The following UGT1A4 variants were observed in gnomAD, a reference collection of about 807,000 sequenced individuals.
UGT1A4 encodes UDP-glucuronosyltransferase 1A4.
A neutral mutation model predicts 41.1 loss-of-function variants in UGT1A4; 32 were observed. That is an observed-to-expected ratio of 0.78 (90% confidence interval 0.59 to 1.05). The LOEUF is 1.05. Ranked by LOEUF, UGT1A4 falls within the 50% of genes least tolerant of loss-of-function variation. The pLI is 0.00. For missense variants in UGT1A4, 748 were observed against 677.4 expected, an observed-to-expected ratio of 1.10 and a Z score of -1.16; for synonymous variants, 283 against 265.1, an observed-to-expected ratio of 1.07 and a Z score of -0.66.
At chr2:233,748,742 C>T (rs533880197) in intron 1 of UGT1A4, among the ~76,000 whole-genome samples, 32 of 151,508 alleles carry the variant, frequency 2.1e-4, no homozygotes, top group African/African-American at 6.3e-4. Flanking sequence ...TCTCAGAGTT[C>T]GGAAGGCATA....
intron 1 of UGT1A4, among the ~76,000 whole-genome samples, chr2:233,763,988 T>A (rs1006624097): frequency 2.0e-5 from 3 of 152,194 alleles, no homozygotes; most frequent in African/African-American, 7.2e-5. Flanking sequence ...TGGGAATGCG[T>A]GATGGTGAAG....
chr2:233,752,600 T>A (rs1023436245), intron 1 of UGT1A4: 10 of 152,076 alleles, frequency 6.6e-5, no homozygotes, highest in Admixed American at 2.6e-4. Context: ...AGATTTTTTT[T>A]AAAAAAACAT....
chr2:233,737,721 C>CT (rs1222184655), intron 1 of UGT1A4, among the ~76,000 whole-genome samples: 6 of 151,320 alleles, frequency 4.0e-5, no homozygotes, highest in Non-Finnish European at 7.4e-5. Context: ...CCAACACCTC[C>CT]TTTTTTTTTC....
Position 233,719,068 on chromosome 2 carries a change from C to G in UGT1A4, c.248C>G (p.Pro83Arg), listed in dbSNP as rs1363775237. The G allele has an allele frequency of 1.9e-6, 3 of 1,614,146 alleles. No individual in the cohort carries two copies. The highest frequency in any genetic ancestry group is 3.3e-5 in the Admixed American group (2 of 60,014). The change falls in exon 1 of 5, where the codon CCA becomes CGA. Residue 83 changes from proline to arginine, a missense_variant. Coordinates refer to ENST00000373409, the MANE Select transcript of UGT1A4 (RefSeq NM_007120.3). ...TTCACCCTGACAGCCTATGCTGTTC[C>G]ATGGACCCAGAAGGAATTTGATCGC... ...KFFTLTAYAVPWTQKEFDRVT... is the reference protein window; with the variant it reads ...KFFTLTAYAVRWTQKEFDRVT...
intron 1 of UGT1A4, chr2:233,743,397 A>G (rs1186431371): frequency 1.6e-6 from 2 of 1,281,698 alleles, no homozygotes; most frequent in Non-Finnish European, 2.1e-6. Context: ...TGCAGAAGGA[A>G]GAAAGGCCCC....
At chr2:233,724,943 T>TC (rs1416863608) in intron 1 of UGT1A4, among the ~76,000 whole-genome samples, 2 of 143,908 alleles carry the variant, frequency 1.4e-5, no homozygotes, top group Non-Finnish European at 3.0e-5. Context: ...CCGTCTGCAA[T>TC]CCCGGCACCT....
intron 1 of UGT1A4, chr2:233,748,051 A>C: frequency 6.2e-7 from 1 of 1,613,438 alleles, no homozygotes. Context: ...GGGGGCATCA[A>C]CTGTGCCAAC....
chr2:233,753,468 A>G (rs1476776984), intron 1 of UGT1A4: 1 of 152,192 alleles, frequency 6.6e-6, no homozygotes, highest in Non-Finnish European at 1.5e-5. Flanking sequence ...TTCTGTAAAA[A>G]ATTACCAGCA....
In UGT1A4 at chr2:233,772,858, A is replaced by C; in HGVS notation, c.*299A>C. ...TAGATTACTTTTCTTACTCTGAAAC[A>C]TGGCCTGTTTGGGAGTGCGGGATTC... On this transcript the variant is annotated 3_prime_UTR_variant, in exon 5 of 5. Transcript: ENST00000373409. The C allele has an allele frequency of 1.4e-6, 1 of 719,796 alleles. No individual in the cohort carries two copies. The allele number at this position is 719,796 out of a possible 1,614,324, so 44.6% of individuals were successfully genotyped here.
chr2:233,767,992 C>T, intron 3 of UGT1A4, 56 bp downstream of exon 3: 1 of 1,614,084 alleles, frequency 6.2e-7, no homozygotes, highest in South Asian at 1.1e-5. Flanking sequence ...AAGAAAATGG[C>T]TTAAGCACAG....
chr2:233,724,499 A>T, intron 1 of UGT1A4, among the ~76,000 whole-genome samples: 1 of 77,576 alleles, frequency 1.3e-5, no homozygotes, highest in Admixed American at 1.3e-4. Context: ...GGCCGGGCAG[A>T]GACGCTCCTC....
intron 1 of UGT1A4, chr2:233,743,500 G>C (rs1692320466): frequency 7.3e-7 from 1 of 1,366,958 alleles, no homozygotes; most frequent in African/African-American, 1.5e-5. Flanking sequence ...AGAGAAAAGG[G>C]GTGCAGACGC....
intron 1 of UGT1A4, among the ~76,000 whole-genome samples, chr2:233,720,662 A>C (rs1219238244): frequency 2.6e-5 from 4 of 151,614 alleles, no homozygotes; most frequent in East Asian, 3.9e-4. Flanking sequence ...CCAAATTCAC[A>C]CACCAATGAA....
chr2:233,750,237 A>G (rs766063070), intron 1 of UGT1A4, among the ~76,000 whole-genome samples: 1 of 151,900 alleles, frequency 6.6e-6, no homozygotes, highest in Non-Finnish European at 1.5e-5. Flanking sequence ...ACTTATTGGG[A>G]ACTGGAACAA....
At chr2:233,765,660 C>G (rs1450693381) in intron 1 of UGT1A4, among the ~76,000 whole-genome samples, 1 of 151,428 alleles carries the variant, frequency 6.6e-6, no homozygotes, top group South Asian at 2.1e-4. Flanking sequence ...GTGCAGCAAA[C>G]CACCATGGCA....
Position 233,772,475 on chromosome 2 carries a change from C to T in UGT1A4, c.1521C>T (p.Thr507=), listed in dbSNP as rs190427553. ...TCGTGCTGACAGTGGCCTTCATCAC[C>T]TTTAAATGTTGTGCTTATGGCTACC... ...LAVVLTVAFI[T]FKCCAYGYRK... is the part of the protein sequence containing the mutation. The change falls in exon 5 of 5, where the codon ACC becomes ACT. Residue 507 remains threonine (T), a synonymous_variant. Transcript: ENST00000373409. 20 of 1,614,018 alleles carry T rather than the reference C, an allele frequency of 1.2e-5. No individual in the cohort carries two copies. The highest frequency in any genetic ancestry group is 5.3e-5 in the African/African-American group (4 of 74,894).
chr2:233,749,529 C>T (rs575946575), intron 1 of UGT1A4, among the ~76,000 whole-genome samples: 6 of 151,916 alleles, frequency 3.9e-5, no homozygotes, highest in African/African-American at 9.7e-5. Context: ...GGCTAATTTT[C>T]GAGTGTGGTA....
intron 1 of UGT1A4, chr2:233,760,350 C>T (rs1374994213): frequency 1.2e-6 from 2 of 1,613,944 alleles, no homozygotes; most frequent in African/African-American, 2.7e-5. Context: ...GTGTGCTGGG[C>T]CCAGTGGTGT....
chr2:233,724,868 A>G (rs2077326102), intron 1 of UGT1A4, among the ~76,000 whole-genome samples: 1 of 128,220 alleles, frequency 7.8e-6, no homozygotes, highest in African/African-American at 3.4e-5. Flanking sequence ...TGTAGGTTGT[A>G]GTGAGCGGAG....
Sources: gnomAD v4.1 joint callset for allele counts (sites outside exome capture counted in the v4.1 genomes callset) on GRCh38, gnomAD v4.1.1 for gene constraint, MANE v1.5 for transcripts, NCBI Gene and HGNC (gene_info 2026-07-23, HGNC 2026-07-21) for gene names.